ACSS3: variants seen among roughly 807,000 people sequenced by gnomAD.
ACSS3 encodes the protein acyl-CoA synthetase short chain family member 3.
In ACSS3, 64 loss-of-function variants were observed where a neutral mutation model predicts 84.2. The observed-to-expected ratio is 0.76, with a 90% CI of 0.62 to 0.94. ACSS3 has a LOEUF of 0.94. Among genes scored for constraint, ACSS3 ranks in the 40% least tolerant of loss-of-function variants. ACSS3 has a pLI of 0.00. For missense variants in ACSS3, 815 were observed against 867.6 expected, an observed-to-expected ratio of 0.94 and a Z score of 0.76; for synonymous variants, 317 against 310.1, an observed-to-expected ratio of 1.02 and a Z score of -0.23.
At chr12:81,199,192 A>G in intron 8 of ACSS3, 149 bp from the exon 9 acceptor site, 1 of 632,056 alleles carries the variant, frequency 1.6e-6, no homozygotes, top group Non-Finnish European at 2.6e-6. Context: ...ACAAGAAATG[A>G]CTCTCATCAT....
At chr12:81,199,234 T>C in intron 8 of ACSS3, 107 bp from the exon 9 acceptor site, 1 of 930,342 alleles carries the variant, frequency 1.1e-6, no homozygotes, top group Non-Finnish European at 1.6e-6. Context: ...TATATTGCTG[T>C]ATTCCTCTGA....
At chr12:81,188,195 G>A (rs1593175854) in intron 8 of ACSS3, among the ~76,000 whole-genome samples, 4 of 151,884 alleles carry the variant, frequency 2.6e-5, no homozygotes, top group Admixed American at 2.6e-4. Context: ...ATATATCTCT[G>A]ATAGGTTAGT....
chr12:81,233,668 G>T (rs142726122), intron 13 of ACSS3, among the ~76,000 whole-genome samples, 197 bp downstream of exon 13: 4 of 151,704 alleles, frequency 2.6e-5, no homozygotes, highest in African/African-American at 9.6e-5. Context: ...TCCCTGGGTG[G>T]TAGTGAAGAG....
intron 13 of ACSS3, among the ~76,000 whole-genome samples, chr12:81,239,855 T>C (rs1460429333): frequency 6.6e-6 from 1 of 151,996 alleles, no homozygotes; most frequent in Non-Finnish European, 1.5e-5. Context: ...TTGTTCATAC[T>C]AATAACAGCA....
At chr12:81,145,269 G>C (rs1886287054) in intron 5 of ACSS3, among the ~76,000 whole-genome samples, 1 of 151,864 alleles carries the variant, frequency 6.6e-6, no homozygotes, top group Non-Finnish European at 1.5e-5. Flanking sequence ...CTAAATGGAA[G>C]ATCCTTTGAT....
intron 8 of ACSS3, among the ~76,000 whole-genome samples, chr12:81,179,240 A>G (rs895108036): frequency 2.1e-5 from 3 of 143,544 alleles, no homozygotes; most frequent in African/African-American, 7.6e-5. Flanking sequence ...CCTGGCAAAG[A>G]TTTCATGATG....
intron 11 of ACSS3, among the ~76,000 whole-genome samples, chr12:81,230,075 C>A (rs2033406058): frequency 6.6e-6 from 1 of 151,822 alleles, no homozygotes; most frequent in Non-Finnish European, 1.5e-5. Context: ...TGGACACTAG[C>A]CATCTGTGCT....
intron 1 of ACSS3, among the ~76,000 whole-genome samples, chr12:81,082,563 C>G (rs1481586306): frequency 6.6e-6 from 1 of 152,046 alleles, no homozygotes; most frequent in African/African-American, 2.4e-5. Context: ...GTTCCAGAAA[C>G]TTAAAGAAGG....
At chr12:81,091,351 TATG>T (rs1440917811) in intron 1 of ACSS3, among the ~76,000 whole-genome samples, 5 of 152,066 alleles carry the variant, frequency 3.3e-5, no homozygotes, top group African/African-American at 9.6e-5. Context: ...TATCATAAAT[TATG>T]ATAAAATTTT....
At chr12:81,196,232 C>T (rs1313852691) in intron 8 of ACSS3, among the ~76,000 whole-genome samples, 1 of 152,080 alleles carries the variant, frequency 6.6e-6, no homozygotes, top group African/African-American at 2.4e-5. Flanking sequence ...TTCAGAAAGT[C>T]ATGATCTACC....
intron 13 of ACSS3, among the ~76,000 whole-genome samples, chr12:81,250,814 C>G (rs189409475): frequency 6.6e-6 from 1 of 152,212 alleles, no homozygotes; most frequent in East Asian, 1.9e-4. Flanking sequence ...AAGGGAATAC[C>G]AAGTCAGAAT....
chr12:81,084,601 A>G (rs942856516), intron 1 of ACSS3, among the ~76,000 whole-genome samples: 1 of 152,084 alleles, frequency 6.6e-6, no homozygotes, highest in Non-Finnish European at 1.5e-5. Context: ...TGAAAGTTGA[A>G]GTGAAAGAGA....
intron 9 of ACSS3, among the ~76,000 whole-genome samples, chr12:81,209,388 TAAAAAAA>T (rs5799519): frequency 6.9e-6 from 1 of 145,798 alleles, no homozygotes; most frequent in Non-Finnish European, 1.5e-5. Context: ...TATTGCTATG[TAAAAAAA>T]AAAAAAAAAA....
At chr12:81,213,293 A>G (rs2032665858) in intron 9 of ACSS3, among the ~76,000 whole-genome samples, 1 of 152,108 alleles carries the variant, frequency 6.6e-6, no homozygotes, top group Non-Finnish European at 1.5e-5. Context: ...CACGTGGACC[A>G]GTTTGAGAGC....
chr12:81,094,734 TGAAAGA>T (rs1881915292), intron 1 of ACSS3: 1 of 152,068 alleles, frequency 6.6e-6, no homozygotes, highest in South Asian at 2.1e-4. Context: ...AGTTATAAGC[TGAAAGA>T]GAAAGAAATG....
At chr12:81,200,380 A>G (rs1374358894) in intron 9 of ACSS3, among the ~76,000 whole-genome samples, 1 of 152,204 alleles carries the variant, frequency 6.6e-6, no homozygotes, top group Non-Finnish European at 1.5e-5. Context: ...TATTTTCAGT[A>G]TTCTCACCTT....
chr12:81,085,687 C>G (rs1438991494), intron 1 of ACSS3, among the ~76,000 whole-genome samples: 1 of 152,038 alleles, frequency 6.6e-6, no homozygotes, highest in Non-Finnish European at 1.5e-5. Context: ...TGAAGGAGAC[C>G]AAAGAGATAT....
rs1443059797 is a variant in ACSS3, at chr12:81,260,587, G to A, written c.*5665G>A. 6.6e-6 allele frequency: 1 copy of A among 152,162 alleles called. No individual in the cohort carries two copies. Among genetic ancestry groups the A allele is most frequent in the Non-Finnish European group, 1.5e-5 (1 of 68,028 alleles). The allele number at this position is 152,162 out of a possible 1,614,324, so 9.4% of individuals were successfully genotyped here. A position where few individuals can be genotyped will look rare whatever the true frequency, so the allele number is the denominator to read the frequency against. Reference sequence around the variant, plus strand: ...TATATACCATAATTAAAATTTTAATGTAAGGGTTGTACATTCTGAAATTAA... The same window carrying A: ...TATATACCATAATTAAAATTTTAATATAAGGGTTGTACATTCTGAAATTAA... On this transcript the variant is annotated 3_prime_UTR_variant, in exon 16 of 16. Transcript: ENST00000548058.
chr12:81,173,659 A>AT (rs1444375718), intron 7 of ACSS3, among the ~76,000 whole-genome samples: 2 of 151,996 alleles, frequency 1.3e-5, no homozygotes, highest in Admixed American at 6.6e-5. Flanking sequence ...TGATATCATC[A>AT]TTTTTTTGTT....
Sources: gnomAD v4.1 joint callset for allele counts (sites outside exome capture counted in the v4.1 genomes callset) on GRCh38, gnomAD v4.1.1 for gene constraint, MANE v1.5 for transcripts, NCBI Gene and HGNC (gene_info 2026-07-23, HGNC 2026-07-21) for gene names.